Variants in SYTL2 observed in about 807,000 individuals in gnomAD.
SYTL2 encodes the protein synaptotagmin like 2, also known as synaptotagmin-like protein 2.
SYTL2 carries 165 observed loss-of-function variants against 198.7 expected under a neutral mutation model. That is an observed-to-expected ratio of 0.83 (90% CI 0.73 to 0.94). The LOEUF is 0.94. Ranked by LOEUF, SYTL2 falls within the 40% of genes least tolerant of loss-of-function variation. The pLI, the probability that SYTL2 is intolerant of heterozygous loss-of-function variation, is 0.00. For synonymous variants in SYTL2, 966 were observed against 917.7 expected (o/e 1.05, Z -0.95); for missense variants, 2,835 against 2,582.8 (o/e 1.10, Z -2.12).
At chr11:85,788,571 T>C (rs1278438913) in intron 1 of SYTL2, among the ~76,000 whole-genome samples, 1 of 152,150 alleles carries the variant, frequency 6.6e-6, no homozygotes, top group Admixed American at 6.5e-5. Context: ...CCTTTAATAA[T>C]GAGTGTGGAA....
intron 1 of SYTL2, among the ~76,000 whole-genome samples, chr11:85,785,361 C>T (rs1010129525): frequency 1.3e-5 from 2 of 152,180 alleles, no homozygotes; most frequent in African/African-American, 2.4e-5. Context: ...AGAAATGAAC[C>T]CCCGTCAGGT....
chr11:85,781,496 C>T (rs2153601655), intron 1 of SYTL2, among the ~76,000 whole-genome samples: 1 of 152,248 alleles, frequency 6.6e-6, no homozygotes, highest in South Asian at 2.1e-4. Flanking sequence ...CAGTTATGCC[C>T]TCCCAACAGT....
chr11:85,771,190 T>C (rs1339768223), intron 1 of SYTL2, among the ~76,000 whole-genome samples: 1 of 152,208 alleles, frequency 6.6e-6, no homozygotes, highest in Non-Finnish European at 1.5e-5. Context: ...TACCAAAGTG[T>C]TGAGAGCATC....
intron 1 of SYTL2, among the ~76,000 whole-genome samples, chr11:85,784,442 GA>G (rs554905246): frequency 6.6e-6 from 1 of 151,470 alleles, no homozygotes; most frequent in Non-Finnish European, 1.5e-5. Flanking sequence ...GAGATGTGAA[GA>G]AAAAAAATCC....
chr11:85,761,374 T>C (rs1013559802), intron 1 of SYTL2, among the ~76,000 whole-genome samples: 3 of 152,046 alleles, frequency 2.0e-5, no homozygotes, highest in African/African-American at 7.2e-5. Flanking sequence ...CATGCAGATA[T>C]CCCAGGGTTC....
chr11:85,750,329 G>A (rs1420562449), intron 2 of SYTL2, among the ~76,000 whole-genome samples: 1 of 152,136 alleles, frequency 6.6e-6, no homozygotes, highest in South Asian at 2.1e-4. Context: ...CTTGGTACAA[G>A]GCCAGTTAAT....
chr11:85,745,955 C>T lies in SYTL2; in HGVS notation c.254-183G>A, dbSNP rs530883143. Among the ~76,000 whole-genome samples, 159 of 152,210 alleles carry T rather than the reference C, an allele frequency of 1.0e-3. 1 individual carries two copies. Among genetic ancestry groups the T allele is most frequent in the Admixed American group, 2.5e-3 (38 of 15,288 alleles). On this transcript the variant is annotated intron_variant, in intron 3 of 19. Transcript: ENST00000359152. ...TAAGAGAGAAGTCAGTAAATTCCCACGACATTAGATTTCCCCAAGCAGAGT... is the reference window on the plus strand; with the variant it reads ...TAAGAGAGAAGTCAGTAAATTCCCATGACATTAGATTTCCCCAAGCAGAGT...
intron 13 of SYTL2, among the ~76,000 whole-genome samples, chr11:85,710,594 G>A (rs2086084172): frequency 1.3e-5 from 2 of 152,154 alleles, no homozygotes; most frequent in African/African-American, 4.8e-5. Context: ...AGTCAAATTA[G>A]TTAGATTCCC....
the SYTL2 span, among the ~76,000 whole-genome samples, chr11:85,845,096 C>G: frequency 6.6e-6 from 1 of 152,168 alleles, no homozygotes; most frequent in Non-Finnish European, 1.5e-5. Context: ...TGCTCATTGT[C>G]AAGTTTTAAT....
chr11:85,767,737 C>T (rs7928873), intron 1 of SYTL2, among the ~76,000 whole-genome samples: 8,679 of 152,214 alleles, frequency 0.057, 787 homozygotes, highest in African/African-American at 0.19. Context: ...GTCTCTTCAT[C>T]CTCCCTCTCT....
At position 85,786,146 on chromosome 11, in the gene SYTL2, T is replaced by C. The variant is rs12286440; in HGVS notation, c.-390+24808A>G. ...ATTGTGCTAAATATAAAAAGGCCAA[T>C]CCTAAAAGGCCACTACTGCATGGTT... On this transcript the variant is annotated intron_variant, in intron 1 of 19. Transcript: ENST00000359152. Among the ~76,000 whole-genome samples the C allele has an allele frequency of 4.9e-3, 744 of 152,192 alleles. 2 individuals are homozygous for C. Among genetic ancestry groups the C allele is most frequent in the Non-Finnish European group, 8.4e-3 (571 of 68,010 alleles).
Position 85,726,347 on chromosome 11 carries a change from A to G in SYTL2, c.3011T>C (p.Ile1004Thr). ...AGAATTTTTTTGGCTTGTGGTGGTA[A>G]TATTCTTGTCATTATCCTTACTGTT... ...NSNSKDNDKNITTTSQKNSAP... is the reference protein window; with the variant it reads ...NSNSKDNDKNTTTTSQKNSAP... Residue 1004 changes from isoleucine (I) to threonine (T), a missense_variant, in exon 8 of 20, where the codon ATT (isoleucine) becomes ACT (threonine). Coordinates refer to ENST00000359152, the MANE Select transcript of SYTL2 (RefSeq NM_206927.4). The G allele has an allele frequency of 6.2e-7, 1 of 1,613,998 alleles. No individual in the cohort carries two copies. Among genetic ancestry groups the G allele is most frequent in the Non-Finnish European group, 8.5e-7 (1 of 1,179,984 alleles).
chr11:85,816,858 G>A, the SYTL2 span, among the ~76,000 whole-genome samples: 39 of 146,198 alleles, frequency 2.7e-4, no homozygotes, highest in African/African-American at 9.7e-4. Context: ...AGGCTACAGT[G>A]AGCCATGATC....
intron 1 of SYTL2, among the ~76,000 whole-genome samples, chr11:85,795,717 T>C (rs2153635878): frequency 6.6e-6 from 1 of 152,350 alleles, no homozygotes; most frequent in Middle Eastern, 3.4e-3. Flanking sequence ...CCTTTTTAAA[T>C]TTGATAAAGC....
intron 1 of SYTL2, among the ~76,000 whole-genome samples, chr11:85,779,745 T>C (rs1404236017): frequency 2.0e-5 from 3 of 151,926 alleles, no homozygotes; most frequent in African/African-American, 7.3e-5. Context: ...AGAAAAACAG[T>C]CATTTTATAA....
At chr11:85,829,049 GT>G in the SYTL2 span, among the ~76,000 whole-genome samples, 73,675 of 146,306 alleles carry the variant, frequency 0.5, 18,204 homozygotes, top group Admixed American at 0.54. Flanking sequence ...AAAGAGCTCT[GT>G]TTTTTTTTTT....
intron 1 of SYTL2, among the ~76,000 whole-genome samples, chr11:85,789,378 GTATA>G (rs71036488): frequency 3.9e-4 from 9 of 23,120 alleles, no homozygotes; most frequent in Non-Finnish European, 5.5e-4. Context: ...ATATATATAT[GTATA>G]TATATATATA....
At chr11:85,756,384 T>C (rs2091868330) in intron 2 of SYTL2, among the ~76,000 whole-genome samples, 1 of 152,208 alleles carries the variant, frequency 6.6e-6, no homozygotes, top group African/African-American at 2.4e-5. Context: ...CTTCACACCA[T>C]GACAGCCAGC....
At chr11:85,816,500 A>G in the SYTL2 span, among the ~76,000 whole-genome samples, 1 of 152,230 alleles carries the variant, frequency 6.6e-6, no homozygotes, top group Non-Finnish European at 1.5e-5. Context: ...ATAGGGAGTT[A>G]CTGTTTAATG....
Sources: allele counts gnomAD v4.1 joint callset (sites outside exome capture counted in the v4.1 genomes callset), GRCh38; gene constraint gnomAD v4.1.1; transcripts MANE v1.5; gene names NCBI Gene and HGNC (gene_info 2026-07-23, HGNC 2026-07-21).